NAALADL2: variants seen among roughly 807,000 people sequenced by gnomAD.
The protein encoded by NAALADL2 is inactive N-acetylated-alpha-linked acidic dipeptidase-like protein 2.
NAALADL2 carries 76 observed loss-of-function variants against 87.2 expected under a neutral mutation model. The ratio of observed to expected loss-of-function variants is 0.87; its 90% confidence interval spans 0.72 to 1.05. The LOEUF is 1.05. NAALADL2 is among the 50% of genes least tolerant of loss of function. NAALADL2 has a pLI of 0.00. For missense variants in NAALADL2, 1,089 were observed against 945.8 expected, an observed-to-expected ratio of 1.15 and a Z score of -1.99; for synonymous variants, 354 against 331.0, an observed-to-expected ratio of 1.07 and a Z score of -0.75.
chr3:174,880,909 C>T (rs1248199924), intron 1 of NAALADL2, among the ~76,000 whole-genome samples: 1 of 152,058 alleles, frequency 6.6e-6, no homozygotes, highest in African/African-American at 2.4e-5. Context: ...CTCTTAGATT[C>T]TGGTGGCTGA....
chr3:175,204,640 G>C (rs895930484), intron 2 of NAALADL2, among the ~76,000 whole-genome samples: 2 of 152,020 alleles, frequency 1.3e-5, no homozygotes, highest in Non-Finnish European at 2.9e-5. Context: ...AATCAGTATA[G>C]AGGAAGTCAA....
chr3:174,768,375 C>A (rs919094681), intron 3 of NAALADL2, among the ~76,000 whole-genome samples: 2 of 152,110 alleles, frequency 1.3e-5, no homozygotes, highest in Non-Finnish European at 2.9e-5. Context: ...TGGGTTTGTG[C>A]TTTAACTCTG....
chr3:174,453,036 C>T (rs1378826389), intron 1 of NAALADL2, among the ~76,000 whole-genome samples: 1 of 151,910 alleles, frequency 6.6e-6, no homozygotes, highest in Admixed American at 6.6e-5. Context: ...CTAAGAATCA[C>T]AATAAAATAA....
intron 2 of NAALADL2, among the ~76,000 whole-genome samples, chr3:174,577,921 G>C (rs1162662012): frequency 2.6e-5 from 4 of 151,914 alleles, no homozygotes; most frequent in Non-Finnish European, 5.9e-5. Flanking sequence ...GAGAATCAGA[G>C]CAGAGAAATA....
At chr3:175,335,403 A>G (rs1344177661) in intron 5 of NAALADL2, among the ~76,000 whole-genome samples, 2 of 152,308 alleles carry the variant, frequency 1.3e-5, no homozygotes, top group African/African-American at 4.8e-5. Context: ...TCCATGAGAT[A>G]GTATCTGCAC....
intron 2 of NAALADL2, among the ~76,000 whole-genome samples, chr3:175,144,693 G>A (rs1387586142): frequency 1.3e-5 from 2 of 151,522 alleles, no homozygotes; most frequent in East Asian, 1.9e-4. Context: ...ATATTTTTGG[G>A]CAGCCCTTCA....
At chr3:175,042,318 C>G (rs1053347637) in intron 1 of NAALADL2, among the ~76,000 whole-genome samples, 1 of 152,102 alleles carries the variant, frequency 6.6e-6, no homozygotes, top group African/African-American at 2.4e-5. Context: ...ACTATATATA[C>G]ACCTCATTTT....
At chr3:175,610,174 G>A (rs1724416427) in intron 10 of NAALADL2, among the ~76,000 whole-genome samples, 1 of 152,120 alleles carries the variant, frequency 6.6e-6, no homozygotes, top group Non-Finnish European at 1.5e-5. Flanking sequence ...TTAAATACAA[G>A]TAGGAAAACA....
At chr3:174,496,478 T>C (rs1578025710) in intron 1 of NAALADL2, among the ~76,000 whole-genome samples, 1 of 144,830 alleles carries the variant, frequency 6.9e-6, no homozygotes, top group East Asian at 2.0e-4. Context: ...ATGGTGTGTG[T>C]CTGTGTCTAT....
intron 1 of NAALADL2, among the ~76,000 whole-genome samples, chr3:174,949,878 C>T (rs1455889700): frequency 6.6e-6 from 1 of 152,160 alleles, no homozygotes; most frequent in Non-Finnish European, 1.5e-5. Flanking sequence ...ATTGAGATAA[C>T]TATCCATTCC....
chr3:174,875,679 G>C (rs1169991734), intron 1 of NAALADL2, among the ~76,000 whole-genome samples: 1 of 152,034 alleles, frequency 6.6e-6, no homozygotes, highest in African/African-American at 2.4e-5. Context: ...AAAAAAATGT[G>C]TGTCCCTTAA....
At chr3:174,550,830 T>C (rs1028960713) in intron 2 of NAALADL2, 1 of 152,030 alleles carries the variant, frequency 6.6e-6, no homozygotes. Context: ...CCTTTTAAAA[T>C]AAATAATCTA....
intron 2 of NAALADL2, among the ~76,000 whole-genome samples, chr3:174,588,420 G>A (rs1413494673): frequency 6.6e-6 from 1 of 152,180 alleles, no homozygotes; most frequent in Non-Finnish European, 1.5e-5. Flanking sequence ...TTGCTGGTGA[G>A]GAGCTGCGTT....
chr3:175,688,878 A>C (rs2149907904), intron 11 of NAALADL2, among the ~76,000 whole-genome samples: 1 of 152,330 alleles, frequency 6.6e-6, no homozygotes, highest in Admixed American at 6.5e-5. Flanking sequence ...GAGCAAGACC[A>C]GCCAGGTGGG....
At chr3:174,608,187 A>G (rs936317512) in intron 2 of NAALADL2, among the ~76,000 whole-genome samples, 1 of 151,944 alleles carries the variant, frequency 6.6e-6, no homozygotes, top group African/African-American at 2.4e-5. Context: ...GGAAATTTAT[A>G]GCACTAAATG....
intron 6 of NAALADL2, among the ~76,000 whole-genome samples, chr3:175,454,690 G>C (rs1265146012): frequency 6.6e-6 from 1 of 152,028 alleles, no homozygotes; most frequent in Non-Finnish European, 1.5e-5. Flanking sequence ...CTAATTCTTA[G>C]ATGCTGTTAA....
At chr3:175,559,163 A>G (rs1249852686) in intron 9 of NAALADL2, among the ~76,000 whole-genome samples, 2 of 152,134 alleles carry the variant, frequency 1.3e-5, no homozygotes, top group African/African-American at 4.8e-5. Context: ...AATAATTCAC[A>G]GATATTAATT....
chr3:175,436,290 G>T (rs1037114612), intron 5 of NAALADL2, among the ~76,000 whole-genome samples: 1 of 147,934 alleles, frequency 6.8e-6, no homozygotes, highest in Admixed American at 6.9e-5. Context: ...TTGCTATTGT[G>T]AATAATGCCG....
intron 2 of NAALADL2, among the ~76,000 whole-genome samples, chr3:174,596,031 A>AACAAACAC (rs1476755924): frequency 1.4e-4 from 21 of 152,038 alleles, no homozygotes; most frequent in Non-Finnish European, 2.8e-4. Context: ...CAAACAAACA[A>AACAAACAC]ACAAACAAAA....
Sources: allele counts gnomAD v4.1 joint callset (sites outside exome capture counted in the v4.1 genomes callset), GRCh38; gene constraint gnomAD v4.1.1; transcripts MANE v1.5; gene names NCBI Gene and HGNC (gene_info 2026-07-23, HGNC 2026-07-21).